Variants in SNRPN observed in about 807,000 individuals in gnomAD.
The protein encoded by SNRPN is small nuclear ribonucleoprotein polypeptide N.
Under a neutral mutation model 25.2 loss-of-function variants are expected in SNRPN, and 7 were observed. That is an observed-to-expected ratio of 0.28 (90% CI 0.16 to 0.52). The LOEUF is 0.52. Ranked by LOEUF, SNRPN falls within the 20% of genes least tolerant of loss-of-function variation. The pLI, the probability that SNRPN is intolerant of heterozygous loss-of-function variation, is 0.96. For synonymous variants in SNRPN, 124 were observed against 110.6 expected (o/e 1.12, Z -0.76); for missense variants, 196 against 322.5 (o/e 0.61, Z 3.00).
At chr15:24,838,109 G>A (rs147179599) in intron 2 of SNRPN, among the ~76,000 whole-genome samples, 4,204 of 149,372 alleles carry the variant, frequency 0.028, 203 homozygotes, top group African/African-American at 0.097. Context: ...ATCTCGGCTC[G>A]CTGCAAGCTC....
At chr15:24,955,159 T>C in intron 1 of SNRPN, 97 bp downstream of exon 1, 4 of 1,532,180 alleles carry the variant, frequency 2.6e-6, no homozygotes, top group Non-Finnish European at 3.6e-6. Context: ...GAGTACTGAA[T>C]AAACGGAATT....
At chr15:24,855,288 T>TATTAGTTC (rs1351017592), upstream of SNRPN, among the ~76,000 whole-genome samples, 1 of 152,192 alleles carries the variant, frequency 6.6e-6, no homozygotes, top group Non-Finnish European at 1.5e-5. Context: ...TTTTATGGAT[T>TATTAGTTC]ATTAGTTCAT....
At chr15:24,974,551 T>G in intron 4 of SNRPN, 95 bp downstream of exon 4, 1 of 1,150,214 alleles carries the variant, frequency 8.7e-7, no homozygotes. Context: ...TTCTGAATGT[T>G]AGAAATAAGG....
intron 2 of SNRPN, among the ~76,000 whole-genome samples, chr15:24,894,441 G>C (rs770919757): frequency 3.9e-5 from 6 of 152,038 alleles, no homozygotes; most frequent in South Asian, 2.1e-4. Flanking sequence ...GATGTGTCTT[G>C]ATCTCCTGAC....
At chr15:24,885,454 T>C (rs2057106557) in intron 1 of SNRPN, among the ~76,000 whole-genome samples, 1 of 152,252 alleles carries the variant, frequency 6.6e-6, no homozygotes, top group African/African-American at 2.4e-5. Flanking sequence ...TGAGTATCTT[T>C]GGCTCATTTT....
At chr15:24,959,845 C>G (rs1299924467) in intron 1 of SNRPN, among the ~76,000 whole-genome samples, 3 of 152,148 alleles carry the variant, frequency 2.0e-5, no homozygotes, top group Non-Finnish European at 4.4e-5. Flanking sequence ...ACGTATAATA[C>G]GTTTAATACA....
chr15:24,952,533 C>A (rs778353039), upstream of SNRPN, among the ~76,000 whole-genome samples: 19 of 152,160 alleles, frequency 1.2e-4, no homozygotes, highest in Non-Finnish European at 2.5e-4. Flanking sequence ...AGCCTAATGG[C>A]AGTTCTCTTT....
At chr15:24,868,880 T>C (rs1394338131) in intron 1 of SNRPN, among the ~76,000 whole-genome samples, 2 of 152,238 alleles carry the variant, frequency 1.3e-5, no homozygotes, top group East Asian at 3.9e-4. Context: ...CTCACACCGG[T>C]AATCCCAGCA....
intron 1 of SNRPN, among the ~76,000 whole-genome samples, chr15:24,886,124 A>G (rs2057186233): frequency 6.6e-6 from 1 of 152,174 alleles, no homozygotes; most frequent in South Asian, 2.1e-4. Context: ...TTTTAACAAG[A>G]ACACTGCTAA....
chr15:24,853,456 C>A (rs75128003), upstream of SNRPN, among the ~76,000 whole-genome samples: 4,186 of 151,658 alleles, frequency 0.028, 174 homozygotes, highest in African/African-American at 0.095. Context: ...TGCAGTGACG[C>A]GATCTCGGCT....
At chr15:24,961,667 T>A (rs1037201122) in intron 1 of SNRPN, among the ~76,000 whole-genome samples, 1 of 152,240 alleles carries the variant, frequency 6.6e-6, no homozygotes, top group African/African-American at 2.4e-5. Context: ...AGATATTTTA[T>A]AATTTAAACT....
At chr15:24,919,310 A>T (rs2059898934) in intron 2 of SNRPN, among the ~76,000 whole-genome samples, 1 of 151,642 alleles carries the variant, frequency 6.6e-6, no homozygotes, top group South Asian at 2.1e-4. Flanking sequence ...GGGCACCTGT[A>T]GTCCCAGCTA....
At chr15:24,841,240 G>A (rs750096856) in intron 2 of SNRPN, among the ~76,000 whole-genome samples, 2 of 151,976 alleles carry the variant, frequency 1.3e-5, no homozygotes, top group African/African-American at 4.8e-5. Flanking sequence ...GATTCAGTGC[G>A]GCTTGGGTAG....
chr15:24,835,272 T>C (rs756364590), intron 2 of SNRPN, among the ~76,000 whole-genome samples: 2 of 151,314 alleles, frequency 1.3e-5, no homozygotes, highest in African/African-American at 2.4e-5. Context: ...TCTTCTTATA[T>C]GTGACTACAT....
chr15:24,835,930 G>A (rs2051140260), intron 2 of SNRPN, among the ~76,000 whole-genome samples: 1 of 152,004 alleles, frequency 6.6e-6, no homozygotes, highest in Non-Finnish European at 1.5e-5. Flanking sequence ...CTCCCAAAGG[G>A]ATCAGTTTCT....
chr15:24,977,644 A>G (rs768552185), intron 7 of SNRPN, 134 bp from the exon 8 acceptor site: 2 of 898,042 alleles, frequency 2.2e-6, no homozygotes, highest in Non-Finnish European at 3.2e-6. Context: ...CTCAAAAAAA[A>G]ACATGGGAAT....
rs868146066 is a variant in SNRPN, at chr15:24,872,600, G to T, written c.-578-13916G>T. ...GTCTCTACTAACAATAAAAAAATTA[G>T]CTGAGTGTGATGAAACATGCCTGTA... On this transcript the variant is annotated intron_variant, in intron 1 of 11. Transcript: ENST00000400097. Among the ~76,000 whole-genome samples, 45 of 114,822 alleles carry T rather than the reference G, an allele frequency of 3.9e-4. 12 individuals carry two copies. Among genetic ancestry groups the T allele is most frequent in the Middle Eastern group, 5.1e-3 (1 of 198 alleles). 75.3% of individuals were successfully genotyped at this position (114,822 alleles called of 152,430 possible). A position where few individuals can be genotyped will look rare whatever the true frequency, so the allele number is the denominator to read the frequency against.
chr15:24,844,243 G>A (rs1234968253), intron 2 of SNRPN, among the ~76,000 whole-genome samples: 1 of 151,814 alleles, frequency 6.6e-6, no homozygotes, highest in Non-Finnish European at 1.5e-5. Context: ...CCTTACTGTG[G>A]TTTCAATAAT....
chr15:24,875,156 G>A (rs982748471), intron 1 of SNRPN, among the ~76,000 whole-genome samples: 6 of 152,064 alleles, frequency 3.9e-5, no homozygotes, highest in Non-Finnish European at 7.4e-5. Flanking sequence ...GTTTAGTATA[G>A]ATGTGCTATT....
Sources: allele counts gnomAD v4.1 joint callset (sites outside exome capture counted in the v4.1 genomes callset), GRCh38; gene constraint gnomAD v4.1.1; transcripts MANE v1.5; gene names NCBI Gene and HGNC (gene_info 2026-07-23, HGNC 2026-07-21).